ATF2: variants seen among roughly 807,000 people sequenced by gnomAD.
ATF2 encodes activating transcription factor 2.
A neutral mutation model predicts 60.6 loss-of-function variants in ATF2; 24 were observed. The observed-to-expected ratio is 0.40, with a 90% CI of 0.29 to 0.56. ATF2 has a LOEUF of 0.56. Among genes scored for constraint, ATF2 ranks in the 20% least tolerant of loss-of-function variants. The pLI is 0.54. For missense variants in ATF2, 433 were observed against 607.7 expected, an observed-to-expected ratio of 0.71 and a Z score of 3.02; for synonymous variants, 206 against 215.4, an observed-to-expected ratio of 0.96 and a Z score of 0.38.
At chr2:175,092,685 C>A in intron 12 of ATF2, 3 of 389,954 alleles carry the variant, frequency 7.7e-6, no homozygotes, top group Non-Finnish European at 1.5e-5. Context: ...ATAAAAACTG[C>A]TACTGAAGAA....
chr2:175,130,210 A>G lies in ATF2; in HGVS notation c.33-3T>C. 6.4e-7 allele frequency: 1 copy of G among 1,552,328 alleles called. No homozygotes were observed. Among genetic ancestry groups the G allele is most frequent in the Non-Finnish European group, 8.7e-7 (1 of 1,146,194 alleles). ...TATTCCACAGGTCCTTGTATTGCCT[A>G]TAATCAAACAGAAGACACTTTAGAG... is the stretch of plus-strand genomic sequence containing the variant. On this transcript the variant is annotated splice_polypyrimidine_tract_variant and splice_region_variant and intron_variant, in intron 3 of 13. Coordinates refer to ENST00000264110, the MANE Select transcript of ATF2 (RefSeq NM_001880.4).
At position 175,077,257 on chromosome 2, in the gene ATF2, T is replaced by C. The variant is rs542078915; in HGVS notation, c.1292-2422A>G. On this transcript the variant is annotated intron_variant, in intron 13 of 13. Transcript: ENST00000264110. ...ATTGTGAATAGTGCTGCAATAAACA[T>C]ACATTTGCATGTGCCTTTATAGCAG... Among the ~76,000 whole-genome samples the C allele has an allele frequency of 5.9e-5, 9 of 152,318 alleles. No homozygotes were observed. The South Asian group carries it at 1.7e-3, about 28-fold the overall frequency.
intron 10 of ATF2, among the ~76,000 whole-genome samples, chr2:175,100,655 T>C (rs987110028): frequency 6.6e-6 from 1 of 152,268 alleles, no homozygotes; most frequent in Non-Finnish European, 1.5e-5. Flanking sequence ...CTGGCATGCG[T>C]ATACTGGTCC....
chr2:175,167,334 AT>A (rs1199448729), intron 1 of ATF2, among the ~76,000 whole-genome samples: 69 of 152,022 alleles, frequency 4.5e-4, no homozygotes, highest in African/African-American at 1.6e-3. Flanking sequence ...AAAAAAAAAA[AT>A]AAGGGAAAAT....
At chr2:175,119,311 G>A (rs1696791728) in intron 5 of ATF2, among the ~76,000 whole-genome samples, 1 of 151,648 alleles carries the variant, frequency 6.6e-6, no homozygotes, top group African/African-American at 2.4e-5. Context: ...ACAGGCTATA[G>A]CAGGGATCTA....
At chr2:175,094,841 T>TGAAA (rs1430998374) in intron 11 of ATF2, among the ~76,000 whole-genome samples, 1 of 152,090 alleles carries the variant, frequency 6.6e-6, no homozygotes, top group Non-Finnish European at 1.5e-5. Context: ...CTCAAGAGGC[T>TGAAA]GAGGTGGGAG....
intron 4 of ATF2, among the ~76,000 whole-genome samples, chr2:175,122,685 GCCT>G (rs1574422405): frequency 6.6e-6 from 1 of 152,004 alleles, no homozygotes; most frequent in East Asian, 1.9e-4. Context: ...GCGGCACAAT[GCCT>G]TGGTTATAGC....
chr2:175,111,581 G>C lies in ATF2; in HGVS notation c.815C>G (p.Ser272Ter). The C allele has an allele frequency of 6.2e-7, 1 of 1,613,180 alleles. No individual in the cohort carries two copies. Among genetic ancestry groups the C allele is most frequent in the Non-Finnish European group, 8.5e-7 (1 of 1,179,528 alleles). The change falls in exon 10 of 14, where the codon TCA becomes TGA. Residue 272 changes from serine to a stop codon, truncating the protein, a stop_gained. Transcript: ENST00000264110. LOFTEE classifies it high-confidence loss of function. ...PGPSSPQPVQ[S>*]EAKMRLKAAL... ...AATCTGGCTTACCATTTTTGCTTCTGACTGTACTGGTTGGGGAGAGGAAGG... is the reference window on the plus strand; with the variant it reads ...AATCTGGCTTACCATTTTTGCTTCTCACTGTACTGGTTGGGGAGAGGAAGG...
chr2:175,143,032 T>G (rs1267415046), intron 2 of ATF2, among the ~76,000 whole-genome samples: 1 of 152,184 alleles, frequency 6.6e-6, no homozygotes, highest in Admixed American at 6.5e-5. Flanking sequence ...GAAGTTTTCA[T>G]TGGCGTTCAG....
intron 8 of ATF2, 114 bp from the exon 9 acceptor site, chr2:175,114,222 A>C: frequency 7.0e-7 from 1 of 1,418,716 alleles, no homozygotes. Flanking sequence ...TACATTTTCT[A>C]ACCACAGCAA....
intron 3 of ATF2, among the ~76,000 whole-genome samples, chr2:175,135,188 A>G (rs1698053573): frequency 1.3e-5 from 2 of 152,132 alleles, no homozygotes; most frequent in African/African-American, 4.8e-5. Flanking sequence ...AACTATCATC[A>G]ATGTCTGATT....
chr2:175,125,909 A>G (rs1022886108), intron 4 of ATF2, among the ~76,000 whole-genome samples: 1 of 152,144 alleles, frequency 6.6e-6, no homozygotes, highest in Non-Finnish European at 1.5e-5. Context: ...ATTGCCAAAT[A>G]TGCTGTGATA....
chr2:175,150,553 T>G (rs991735324), intron 2 of ATF2, among the ~76,000 whole-genome samples: 7 of 152,172 alleles, frequency 4.6e-5, no homozygotes, highest in African/African-American at 1.7e-4. Flanking sequence ...TAACTTCCAA[T>G]TAACGTTTCT....
At chr2:175,087,724 T>A (rs1269092195) in intron 12 of ATF2, among the ~76,000 whole-genome samples, 1 of 152,182 alleles carries the variant, frequency 6.6e-6, no homozygotes, top group East Asian at 1.9e-4. Flanking sequence ...CAAGTTTCCC[T>A]CCACACAGTT....
intron 10 of ATF2, among the ~76,000 whole-genome samples, chr2:175,101,847 T>C (rs1574365947): frequency 6.6e-6 from 1 of 152,186 alleles, no homozygotes; most frequent in Non-Finnish European, 1.5e-5. Context: ...CCAGTGGGTA[T>C]ACAACAGAAG....
chr2:175,129,925 C>T (rs1159159007), intron 4 of ATF2, among the ~76,000 whole-genome samples: 6 of 151,940 alleles, frequency 3.9e-5, no homozygotes, highest in Non-Finnish European at 8.8e-5. Flanking sequence ...TAATGCTCCC[C>T]CCCTCCGTAT....
intron 10 of ATF2, among the ~76,000 whole-genome samples, chr2:175,106,661 C>T (rs1292974498): frequency 6.6e-6 from 1 of 151,722 alleles, no homozygotes; most frequent in East Asian, 1.9e-4. Context: ...CATGGTGAAA[C>T]CCCATCTCTA....
At chr2:175,080,505 C>A in intron 13 of ATF2, 155 bp downstream of exon 13, 4 of 486,836 alleles carry the variant, frequency 8.2e-6, no homozygotes, top group South Asian at 5.9e-5. Flanking sequence ...AAAATTATAC[C>A]TCTCTACTGC....
chr2:175,148,271 A>G (rs1233886041), intron 2 of ATF2, among the ~76,000 whole-genome samples: 1 of 152,072 alleles, frequency 6.6e-6, no homozygotes, highest in African/African-American at 2.4e-5. Flanking sequence ...TTCCCTAAAT[A>G]CCTAGCCAAT....
Sources: allele counts gnomAD v4.1 joint callset (sites outside exome capture counted in the v4.1 genomes callset), GRCh38; gene constraint gnomAD v4.1.1; transcripts MANE v1.5; gene names NCBI Gene and HGNC (gene_info 2026-07-23, HGNC 2026-07-21).